Variants in NUMA1 observed in about 807,000 individuals in gnomAD.
NUMA1 encodes SP-H antigen.
In NUMA1, 62 loss-of-function variants were observed where a neutral mutation model predicts 237.1. The ratio of observed to expected loss-of-function variants is 0.26; its 90% CI spans 0.21 to 0.32. The LOEUF (loss-of-function observed/expected upper bound fraction) is 0.32, where lower values mean the gene tolerates loss of function less well. Ranked by LOEUF, NUMA1 falls within the 10% of genes least tolerant of loss-of-function variation. The probability of loss-of-function intolerance (pLI) is 1.00; values close to 1 mark genes in which losing one functional copy is unlikely to be tolerated. For synonymous variants in NUMA1, 1,028 were observed against 1,066.1 expected, an observed-to-expected ratio of 0.96 and a Z score of 0.70; for missense variants, 2,533 against 2,666.5, an observed-to-expected ratio of 0.95 and a Z score of 1.10.
chr11:72,080,077 T>C (rs998764455), intron 1 of NUMA1, among the ~76,000 whole-genome samples: 15 of 152,136 alleles, frequency 9.9e-5, no homozygotes, highest in African/African-American at 3.6e-4. Flanking sequence ...GTGGACGGTG[T>C]AGCTCAGAAA....
Position 72,004,072 on chromosome 11 carries a change from T to C in NUMA1, c.6151A>G (p.Ser2051Gly), listed in dbSNP as rs1955484055. Residue 2051 changes from serine (S) to glycine (G), a missense_variant, in exon 26 of 27, where the codon AGC becomes GGC. This residue lies in a region of NUMA1 where 795 missense variants were observed against 750.8 expected (regional missense o/e 1.06). Coordinates refer to ENST00000393695, the MANE Select transcript of NUMA1 (RefSeq NM_006185.4). ...QADRRQSMAF[S>G]ILNTPKKLGN... is the part of the protein sequence containing the mutation. ...AGCTTCTTGGGTGTGTTGAGGATGCTGAAGGCCATCGACTGGCGCCGGTCA... is the reference window on the plus strand; with the variant it reads ...AGCTTCTTGGGTGTGTTGAGGATGCCGAAGGCCATCGACTGGCGCCGGTCA... 1.9e-6 allele frequency: 3 copies of C among 1,613,120 alleles called. No individual in the cohort carries two copies. The highest frequency in any genetic ancestry group is 1.3e-5 in the African/African-American group (1 of 74,896).
chr11:72,005,145 A>C, intron 23 of NUMA1, 88 bp downstream of exon 23: 1 of 1,370,428 alleles, frequency 7.3e-7, no homozygotes, highest in Non-Finnish European at 9.8e-7. Context: ...TCAGTGATCC[A>C]GGGCCCTAGT....
At chr11:72,025,784 A>C (rs973160689) in intron 4 of NUMA1, among the ~76,000 whole-genome samples, 3 of 152,140 alleles carry the variant, frequency 2.0e-5, no homozygotes, top group African/African-American at 7.2e-5. Context: ...CTTCCAAGTG[A>C]ATCCCTCCCA....
rs577676707 is a variant in NUMA1, at chr11:72,055,371, A to G, written c.-33+14471T>C. ...TTAAGTTTACCTTGTCTAAGGTCAT[A>G]CAGCTAAAAAGCAACCGGGCCACGA... is the stretch of plus-strand genomic sequence containing the variant. On this transcript the variant is annotated intron_variant, in intron 2 of 26. Transcript: ENST00000393695. 3.3e-5 allele frequency among the ~76,000 whole-genome samples: 5 copies of G among 152,280 alleles called. No individual in the cohort carries two copies. The South Asian group carries it at 1.0e-3, about 32-fold the overall frequency.
intron 7 of NUMA1, among the ~76,000 whole-genome samples, 157 bp from the exon 8 acceptor site, chr11:72,021,448 C>G (rs959440043): frequency 1.3e-5 from 2 of 152,234 alleles, no homozygotes; most frequent in Non-Finnish European, 2.9e-5. Context: ...GTCCTATGAC[C>G]CAGCCAACAA....
chr11:72,021,156 T>C (rs1938757893), intron 8 of NUMA1, 48 bp downstream of exon 8: 1 of 1,443,374 alleles, frequency 6.9e-7, no homozygotes, highest in South Asian at 1.1e-5. Flanking sequence ...ATCCTAGTAT[T>C]CCCCATTTCA....
intron 20 of NUMA1, 139 bp downstream of exon 20, chr11:72,008,549 T>C (rs2134623844): frequency 1.1e-6 from 1 of 949,886 alleles, no homozygotes; most frequent in Non-Finnish European, 1.6e-6. Flanking sequence ...CCTAAATAGA[T>C]ATCTGGTATA....
At chr11:72,008,011 T>C (rs1011890065) in intron 20 of NUMA1, 2 of 436,486 alleles carry the variant, frequency 4.6e-6, no homozygotes, top group African/African-American at 4.1e-5. Context: ...AAACCCCAGC[T>C]CTACCACTGG....
intron 3 of NUMA1, among the ~76,000 whole-genome samples, chr11:72,035,612 G>C (rs1940929023): frequency 6.6e-6 from 1 of 151,522 alleles, no homozygotes; most frequent in African/African-American, 2.4e-5. Context: ...GGTTTCACCA[G>C]CTTGGCCAGG....
At position 72,004,766 on chromosome 11, in the gene NUMA1, G is replaced by A; in HGVS notation, c.5880C>T (p.Asp1960=). The change falls in exon 24 of 27, where the codon GAC becomes GAT. Residue 1960 remains aspartate, a synonymous_variant. Transcript: ENST00000393695. The stretch of plus-strand genomic sequence containing the variant: ...TGGCTCGGCGCAGGGTCTCTTGGGG[G>A]TCTCCAGTTTTCATCTCCTCATCTG... ...TITDEEMKTG[D]PQETLRRASM... The A allele has an allele frequency of 6.2e-7, 1 of 1,602,220 alleles. No homozygotes were observed. Among genetic ancestry groups the A allele is most frequent in the Non-Finnish European group, 8.5e-7 (1 of 1,175,324 alleles).
At chr11:72,035,447 G>A (rs1940903724) in intron 3 of NUMA1, among the ~76,000 whole-genome samples, 1 of 150,168 alleles carries the variant, frequency 6.7e-6, no homozygotes, top group African/African-American at 2.5e-5. Context: ...TTGCTCTGTT[G>A]CCCAGGCTGG....
chr11:72,017,693 C>T lies in NUMA1; in HGVS notation c.1113G>A (p.Gln371=). Residue 371 remains glutamine (Q), a synonymous_variant, in exon 13 of 27, where the codon CAG becomes CAA. Coordinates refer to ENST00000393695, the MANE Select transcript of NUMA1 (RefSeq NM_006185.4). ...GACCCCAGCAGAGGGTTACCTTGTC[C>T]TGCAGGGCTGCGCTGAGCTCCTTCT... The part of the protein sequence containing the change: ...QLEKELSAAL[Q]DKKCLEEKNE... The T allele has an allele frequency of 6.2e-7, 1 of 1,613,102 alleles. No individual in the cohort carries two copies.
chr11:72,069,890 C>T lies in NUMA1; in HGVS notation c.-81G>A, dbSNP rs1185418540. 1 of 152,168 alleles carries T rather than the reference C, an allele frequency of 6.6e-6. No individual in the cohort carries two copies. Among genetic ancestry groups the T allele is most frequent in the Admixed American group, 6.5e-5 (1 of 15,276 alleles). The allele number at this position is 152,168 out of a possible 1,614,324, so 9.4% of individuals were successfully genotyped here. ...CTAGAACAGGGTGATCTCCAGCAGT[C>T]TGGCTTAGAATTAGTTTCCACCTAG... On this transcript the variant is annotated 5_prime_UTR_variant, in exon 2 of 27. Coordinates refer to ENST00000393695, the MANE Select transcript of NUMA1 (RefSeq NM_006185.4).
Position 72,018,884 on chromosome 11 carries a change from T to C in NUMA1, c.681A>G (p.Arg227=). 6.2e-7 allele frequency: 1 copy of C among 1,613,364 alleles called. No individual in the cohort carries two copies. Among genetic ancestry groups the C allele is most frequent in the South Asian group, 1.1e-5 (1 of 91,042 alleles). Residue 227 remains arginine (R), a synonymous_variant, in exon 10 of 27, where the codon AGA becomes AGG. Coordinates refer to ENST00000393695, the MANE Select transcript of NUMA1 (RefSeq NM_006185.4). ...CCAGCTCCAGCTCATCCCTATTACT[T>C]CTCTCATCAGCAAGCTGCTTCTTCA... ...RRLKKQLADE[R]SNRDELELEL... is the part of the protein sequence containing the mutation.
intron 2 of NUMA1, chr11:72,065,955 A>G (rs1301033134): frequency 6.6e-6 from 1 of 152,202 alleles, no homozygotes; most frequent in African/African-American, 2.4e-5. Flanking sequence ...ACTGTACTGT[A>G]AGAACCAGGA....
chr11:72,016,600 A>T (rs535657831), intron 13 of NUMA1, 70 bp from the exon 14 acceptor site: 1 of 1,529,872 alleles, frequency 6.5e-7, no homozygotes, highest in South Asian at 1.2e-5. Context: ...AAGCCCTCAT[A>T]AACATCAGCA....
At position 72,003,950 on chromosome 11, in the gene NUMA1, G is replaced by C. The variant is rs1279702742; in HGVS notation, c.6273C>G (p.Ala2091=). The C allele has an allele frequency of 6.2e-7, 1 of 1,613,446 alleles. No individual in the cohort carries two copies. Among genetic ancestry groups the C allele is most frequent in the Non-Finnish European group, 8.5e-7 (1 of 1,179,782 alleles). The part of the protein sequence containing the change: ...RSGTRRSPRI[A]TTTASAATAA... ...CAGTGGCGGCGCTGGCTGTGGTGGT[G>C]GCAATGCGCGGAGAACGGCGGGTTC... Residue 2091 remains alanine, a synonymous_variant, in exon 26 of 27, where the codon GCC becomes GCG. Coordinates refer to ENST00000393695, the MANE Select transcript of NUMA1 (RefSeq NM_006185.4).
In NUMA1 at chr11:72,022,427, C is replaced by G. The variant is rs753737341; in HGVS notation, c.292-8G>C. On this transcript the variant is annotated splice_region_variant and splice_polypyrimidine_tract_variant and intron_variant, in intron 6 of 26. Coordinates refer to ENST00000393695, the MANE Select transcript of NUMA1 (RefSeq NM_006185.4). ...TAAGAGCAGCATGGTCATCTAGAAG[C>G]CAAACAGGAGGCAGTCACTGAGTGG... The G allele has an allele frequency of 6.2e-7, 1 of 1,606,292 alleles. No individual in the cohort carries two copies. The highest frequency in any genetic ancestry group is 1.3e-5 in the African/African-American group (1 of 74,804).
intron 4 of NUMA1, 52 bp from the exon 5 acceptor site, chr11:72,024,405 T>C: frequency 6.7e-7 from 1 of 1,503,528 alleles, no homozygotes; most frequent in East Asian, 2.3e-5. Context: ...CTTTGCCTCC[T>C]TGCTGCTGCA....
Sources: allele counts gnomAD v4.1 joint callset (sites outside exome capture counted in the v4.1 genomes callset), GRCh38; gene constraint gnomAD v4.1.1; regional missense constraint gnomAD v4.1.1; transcripts MANE v1.5; gene names NCBI Gene and HGNC (gene_info 2026-07-23, HGNC 2026-07-21).